Variants in RCOR1 observed in about 807,000 individuals in gnomAD.
RCOR1 encodes REST corepressor.
A neutral mutation model predicts 64.0 loss-of-function variants in RCOR1; 12 were observed. The ratio of observed to expected loss-of-function variants is 0.19; its 90% CI spans 0.12 to 0.30. The LOEUF is 0.30. Ranked by LOEUF, RCOR1 falls within the 10% of genes least tolerant of loss-of-function variation. The pLI is 1.00. For synonymous variants in RCOR1, 279 were observed against 227.2 expected (o/e 1.23, Z -2.05); for missense variants, 502 against 621.2 (o/e 0.81, Z 2.04).
intron 3 of RCOR1, among the ~76,000 whole-genome samples, chr14:102,686,128 C>T (rs1895412825): frequency 6.6e-6 from 1 of 151,958 alleles, no homozygotes; most frequent in African/African-American, 2.4e-5. Context: ...AAGAGAGGAT[C>T]TTGGCTCTGT....
At chr14:102,593,347 CCGG>C in intron 2 of RCOR1, 22 bp downstream of exon 2, 1 of 1,523,456 alleles carries the variant, frequency 6.6e-7, no homozygotes, top group Non-Finnish European at 8.7e-7. Context: ...CCCCGGCCGG[CCGG>C]CGGCGGGGAT....
At chr14:102,608,035 G>A (rs1381367028) in intron 2 of RCOR1, among the ~76,000 whole-genome samples, 4 of 151,260 alleles carry the variant, frequency 2.6e-5, no homozygotes, top group East Asian at 1.9e-4. Flanking sequence ...AAGCCCGGGC[G>A]AAACAGAGAG....
At chr14:102,610,631 C>G (rs1893610844) in intron 2 of RCOR1, among the ~76,000 whole-genome samples, 1 of 152,088 alleles carries the variant, frequency 6.6e-6, no homozygotes, top group South Asian at 2.1e-4. Flanking sequence ...GGCGCCATCT[C>G]AGCTTACTGC....
intron 2 of RCOR1, among the ~76,000 whole-genome samples, chr14:102,614,677 C>A (rs1176421550): frequency 6.6e-6 from 1 of 152,104 alleles, no homozygotes; most frequent in Non-Finnish European, 1.5e-5. Context: ...TTTTGTACCG[C>A]ATTCTTAGTG....
chr14:102,624,517 A>G (rs1243059652), intron 2 of RCOR1, among the ~76,000 whole-genome samples: 2 of 151,918 alleles, frequency 1.3e-5, no homozygotes, highest in Admixed American at 1.3e-4. Context: ...AATAAAATTC[A>G]CACCTAGGAC....
intron 2 of RCOR1, among the ~76,000 whole-genome samples, chr14:102,641,492 C>G (rs192568343): frequency 6.6e-6 from 1 of 151,574 alleles, no homozygotes; most frequent in Admixed American, 6.6e-5. Flanking sequence ...CCCAGCTATT[C>G]AGGAAGCTGA....
rs148108069 is a variant in RCOR1 at position 102,651,381 on chromosome 14, C to T, written c.362-30514C>T. On this transcript the variant is annotated intron_variant, in intron 2 of 11. Coordinates refer to ENST00000262241, the MANE Select transcript of RCOR1 (RefSeq NM_015156.4). ...GAGCCTGACCAACACAGTGAAACCC[C>T]GTCTCTACTAAAAATACAAAAATTA... Among the ~76,000 whole-genome samples, 74 of 152,024 alleles carry T rather than the reference C, an allele frequency of 4.9e-4. No homozygotes were observed. The East Asian group carries it at 0.013, about 26-fold the overall frequency.
intron 2 of RCOR1, among the ~76,000 whole-genome samples, chr14:102,648,952 T>C (rs913595102): frequency 6.6e-6 from 1 of 152,032 alleles, no homozygotes; most frequent in Non-Finnish European, 1.5e-5. Flanking sequence ...AAAGGGGTGT[T>C]GTCAAGAAAT....
chr14:102,629,081 T>A (rs1343898689), intron 2 of RCOR1, among the ~76,000 whole-genome samples: 1 of 152,094 alleles, frequency 6.6e-6, no homozygotes, highest in Non-Finnish European at 1.5e-5. Flanking sequence ...TTCAACACGC[T>A]GTTTCCTGAC....
At chr14:102,696,698 C>T (rs1263621069) in intron 3 of RCOR1, among the ~76,000 whole-genome samples, 5 of 152,068 alleles carry the variant, frequency 3.3e-5, no homozygotes, top group South Asian at 4.1e-4. Flanking sequence ...AAAGTCCCCA[C>T]GGATCCCTCT....
chr14:102,671,929 G>A (rs1895038754), intron 2 of RCOR1, among the ~76,000 whole-genome samples: 2 of 152,118 alleles, frequency 1.3e-5, no homozygotes, highest in African/African-American at 4.8e-5. Context: ...TCATACAATA[G>A]GCTGTGGATT....
At chr14:102,606,651 A>T (rs1011257632) in intron 2 of RCOR1, among the ~76,000 whole-genome samples, 1 of 116,838 alleles carries the variant, frequency 8.6e-6, no homozygotes, top group Non-Finnish European at 1.8e-5. Flanking sequence ...TTTGGAGGGG[A>T]GATAGGGTCT....
intron 2 of RCOR1, chr14:102,655,985 ACAC>A: frequency 1.0e-6 from 1 of 957,942 alleles, no homozygotes; most frequent in Non-Finnish European, 1.2e-6. Context: ...ACACACACAC[ACAC>A]GTGAAATAAA....
At chr14:102,698,711 C>A (rs914532237) in intron 3 of RCOR1, among the ~76,000 whole-genome samples, 1 of 152,180 alleles carries the variant, frequency 6.6e-6, no homozygotes, top group Non-Finnish European at 1.5e-5. Flanking sequence ...GTTTCTAGGT[C>A]TGGTATGCTG....
At chr14:102,639,545 A>G (rs1051121632) in intron 2 of RCOR1, among the ~76,000 whole-genome samples, 4 of 142,848 alleles carry the variant, frequency 2.8e-5, no homozygotes, top group Admixed American at 2.1e-4. Flanking sequence ...TTATTTATTT[A>G]TTTATTGAGA....
Position 102,709,803 on chromosome 14 carries a change from A to G in RCOR1, c.780-1132A>G, listed in dbSNP as rs147792977. ...ATAGTAAGTCTGTTACTATAAGCAG[A>G]TGCAGTTTACTAAGCAGCAATCAAA... On this transcript the variant is annotated intron_variant, in intron 6 of 11. Transcript: ENST00000262241. Among the ~76,000 whole-genome samples the G allele has an allele frequency of 9.2e-4, 140 of 152,346 alleles. 1 individual carries two copies. In the Middle Eastern group the frequency reaches 0.017, roughly 19 times the overall value.
chr14:102,717,668 G>C (rs1896092761), intron 8 of RCOR1, among the ~76,000 whole-genome samples: 1 of 152,074 alleles, frequency 6.6e-6, no homozygotes, highest in Non-Finnish European at 1.5e-5. Context: ...TTCTCCCTCT[G>C]CTGAGTGAGC....
chr14:102,714,744 G>A (rs1896033501), intron 8 of RCOR1, 127 bp downstream of exon 8: 1 of 699,058 alleles, frequency 1.4e-6, no homozygotes, highest in Admixed American at 3.0e-5. Flanking sequence ...GAAGGAATTG[G>A]ACAGATCTTA....
chr14:102,726,349 T>A, intron 11 of RCOR1, 119 bp from the exon 12 acceptor site: 8 of 777,958 alleles, frequency 1.0e-5, no homozygotes, highest in Non-Finnish European at 1.4e-5. Context: ...AAAAAAGAAC[T>A]CGGTGTTTGC....
Sources: gnomAD v4.1 joint callset for allele counts (sites outside exome capture counted in the v4.1 genomes callset) on GRCh38, gnomAD v4.1.1 for gene constraint, MANE v1.5 for transcripts, NCBI Gene and HGNC (gene_info 2026-07-23, HGNC 2026-07-21) for gene names.